Variants in UGT1A8 observed in about 807,000 individuals in gnomAD.
UGT1A8 encodes the protein UDP glucuronosyltransferase family 1 member A8.
In UGT1A8, 39 loss-of-function variants were observed where a neutral mutation model predicts 45.3. That is an observed-to-expected ratio of 0.86 (90% CI 0.67 to 1.12). The LOEUF (loss-of-function observed/expected upper bound fraction) is 1.12, where lower values mean the gene tolerates loss of function less well. UGT1A8 is among the 50% of genes most tolerant of loss of function. The pLI is 0.00. For missense variants in UGT1A8, 719 were observed against 664.9 expected, an observed-to-expected ratio of 1.08 and a Z score of -0.90; for synonymous variants, 275 against 249.2, an observed-to-expected ratio of 1.10 and a Z score of -0.97.
rs56060130 is a variant in UGT1A8, at chr2:233,639,768, T to C, written c.855+21206T>C. Among the ~76,000 whole-genome samples the C allele has an allele frequency of 3.3e-5, 5 of 152,334 alleles. 1 individual carries two copies. The South Asian group carries it at 1.0e-3, about 32-fold the overall frequency. On this transcript the variant is annotated intron_variant, in intron 1 of 4. Coordinates refer to ENST00000373450, the MANE Select transcript of UGT1A8 (RefSeq NM_019076.5). ...TGATGGCAGATGGCCCCATCTCCAA[T>C]TTCAACATGGGATTTGGAGGGGACA...
intron 1 of UGT1A8, among the ~76,000 whole-genome samples, chr2:233,688,342 C>T (rs10168333): frequency 0.39 from 59,258 of 152,058 alleles, 11,741 homozygotes; most frequent in South Asian, 0.45. Flanking sequence ...TTCCCATTTT[C>T]AGCCATGAAA....
At chr2:233,713,117 C>G in intron 1 of UGT1A8, 2 of 1,614,220 alleles carry the variant, frequency 1.2e-6, no homozygotes, top group South Asian at 1.1e-5. Flanking sequence ...GCCACTGGCT[C>G]AGCATGCGGG....
intron 1 of UGT1A8, among the ~76,000 whole-genome samples, chr2:233,665,374 G>T (rs940252010): frequency 6.6e-6 from 1 of 152,072 alleles, no homozygotes; most frequent in Non-Finnish European, 1.5e-5. Flanking sequence ...CATATTCGTA[G>T]CCTCTGATGA....
At chr2:233,731,308 T>G (rs962546362) in intron 1 of UGT1A8, among the ~76,000 whole-genome samples, 3 of 151,716 alleles carry the variant, frequency 2.0e-5, no homozygotes, top group African/African-American at 7.3e-5. Context: ...TATTATACTT[T>G]AAGTTCTAGG....
intron 1 of UGT1A8, among the ~76,000 whole-genome samples, chr2:233,664,290 A>G (rs1201728671): frequency 6.6e-6 from 1 of 152,076 alleles, no homozygotes; most frequent in Non-Finnish European, 1.5e-5. Context: ...GAGCCCTCCA[A>G]ACTCTTCAAA....
intron 1 of UGT1A8, among the ~76,000 whole-genome samples, chr2:233,639,743 T>G (rs1426744162): frequency 5.3e-5 from 8 of 152,170 alleles, no homozygotes; most frequent in Non-Finnish European, 1.2e-4. Context: ...ACTTTAACAA[T>G]GATGGCAGAT....
chr2:233,687,478 T>C (rs1279776025), intron 1 of UGT1A8, among the ~76,000 whole-genome samples: 1 of 151,062 alleles, frequency 6.6e-6, no homozygotes, highest in African/African-American at 2.4e-5. Flanking sequence ...TTGGCAGACC[T>C]ATTTTTCAGA....
chr2:233,715,132 C>A (rs2076434193), intron 1 of UGT1A8, among the ~76,000 whole-genome samples: 1 of 152,136 alleles, frequency 6.6e-6, no homozygotes, highest in Non-Finnish European at 1.5e-5. Flanking sequence ...GTGATTCACT[C>A]ACCTCAGCCT....
intron 1 of UGT1A8, among the ~76,000 whole-genome samples, chr2:233,634,298 G>A (rs2073239894): frequency 6.6e-6 from 1 of 152,162 alleles, no homozygotes; most frequent in African/African-American, 2.4e-5. Flanking sequence ...GATTTGGGTT[G>A]GAGAGTTCTA....
intron 1 of UGT1A8, chr2:233,637,262 A>G: frequency 6.2e-7 from 1 of 1,613,978 alleles, no homozygotes; most frequent in South Asian, 1.1e-5. Context: ...CTCTACAGTC[A>G]CACATCAATT....
intron 1 of UGT1A8, among the ~76,000 whole-genome samples, chr2:233,655,128 TAAAGAAAG>T (rs912388758): frequency 6.6e-6 from 1 of 151,944 alleles, no homozygotes; most frequent in East Asian, 1.9e-4. Flanking sequence ...AACAGAATAC[TAAAGAAAG>T]AAAGAAAGAA....
rs1005644336 is a variant in UGT1A8 at position 233,772,950 on chromosome 2, A to G, written c.*391A>G. On this transcript the variant is annotated 3_prime_UTR_variant, in exon 5 of 5. Coordinates refer to ENST00000373450, the MANE Select transcript of UGT1A8 (RefSeq NM_019076.5). Reference sequence around the variant, plus strand: ...TAATCTTATCTTTTGGCTTCTGCAGATGGTTGCAATTGATCCTTAACCAAT... The same window carrying G: ...TAATCTTATCTTTTGGCTTCTGCAGGTGGTTGCAATTGATCCTTAACCAAT... The G allele has an allele frequency of 1.5e-5, 5 of 323,142 alleles. No individual in the cohort carries two copies. Among genetic ancestry groups the G allele is most frequent in the Non-Finnish European group, 2.9e-5 (5 of 171,790 alleles). 20.0% of individuals were successfully genotyped at this position (323,142 alleles called of 1,614,324 possible). A position where few individuals can be genotyped will look rare whatever the true frequency, so the allele number is the denominator to read the frequency against.
At chr2:233,671,281 A>G (rs560940311) in intron 1 of UGT1A8, among the ~76,000 whole-genome samples, 5 of 152,346 alleles carry the variant, frequency 3.3e-5, no homozygotes, top group African/African-American at 7.2e-5. Flanking sequence ...TAGGAAAGCC[A>G]TTTAAAATAG....
intron 1 of UGT1A8, chr2:233,741,805 CTTAA>C (rs1691775177): frequency 6.6e-6 from 1 of 151,910 alleles, no homozygotes; most frequent in African/African-American, 2.4e-5. Flanking sequence ...GCATGCTGCT[CTTAA>C]TTTTTTTCAG....
chr2:233,739,271 C>T lies in UGT1A8; in HGVS notation c.856-27763C>T, dbSNP rs541301086. ...GTGGTAAAGAAATGTGAGGTTGGAG[C>T]CCCCACACAGAGTCTCCACTGGGGC... On this transcript the variant is annotated intron_variant, in intron 1 of 4. Coordinates refer to ENST00000373450, the MANE Select transcript of UGT1A8 (RefSeq NM_019076.5). Among the ~76,000 whole-genome samples, 6 of 152,262 alleles carry T rather than the reference C, an allele frequency of 3.9e-5. No individual in the cohort carries two copies. The East Asian group carries it at 1.2e-3, about 29-fold the overall frequency.
intron 1 of UGT1A8, among the ~76,000 whole-genome samples, chr2:233,667,137 T>C (rs2074096115): frequency 6.6e-6 from 1 of 152,200 alleles, no homozygotes; most frequent in African/African-American, 2.4e-5. Context: ...TATAGCAGCA[T>C]GTTTTACAAT....
At chr2:233,642,767 G>A (rs7569014) in intron 1 of UGT1A8, among the ~76,000 whole-genome samples, 9,840 of 152,268 alleles carry the variant, frequency 0.065, 553 homozygotes, top group African/African-American at 0.15. Context: ...TTGCAGACTT[G>A]TAGATGTATT....
intron 1 of UGT1A8, chr2:233,691,021 A>G (rs2075025310): frequency 2.0e-6 from 2 of 992,830 alleles, no homozygotes; most frequent in Admixed American, 5.8e-5. Flanking sequence ...CTGTGGTTGG[A>G]AGGGCTCAGA....
At chr2:233,766,321 C>T (rs1182863859) in intron 1 of UGT1A8, among the ~76,000 whole-genome samples, 1 of 152,172 alleles carries the variant, frequency 6.6e-6, no homozygotes. Flanking sequence ...CTCAGCCAAA[C>T]TCCGCGTTGT....
Sources: gnomAD v4.1 joint callset for allele counts (sites outside exome capture counted in the v4.1 genomes callset) on GRCh38, gnomAD v4.1.1 for gene constraint, MANE v1.5 for transcripts, NCBI Gene and HGNC (gene_info 2026-07-23, HGNC 2026-07-21) for gene names.